Variants in SAMD12 observed in about 807,000 individuals in gnomAD.
SAMD12 encodes sterile alpha motif domain containing 12.
In SAMD12, 9 loss-of-function variants were observed where a neutral mutation model predicts 15.0. The observed-to-expected ratio is 0.60, with a 90% CI of 0.36 to 1.05. SAMD12 has a LOEUF of 1.05. Among genes scored for constraint, SAMD12 ranks in the 50% least tolerant of loss-of-function variants. SAMD12 has a pLI of 0.01. For missense variants in SAMD12, 230 were observed against 234.2 expected, an observed-to-expected ratio of 0.98 and a Z score of 0.12; for synonymous variants, 86 against 90.1, an observed-to-expected ratio of 0.96 and a Z score of 0.25.
intron 4 of SAMD12, among the ~76,000 whole-genome samples, chr8:118,371,866 G>C (rs1476195358): frequency 1.3e-5 from 2 of 152,086 alleles, no homozygotes; most frequent in Non-Finnish European, 2.9e-5. Context: ...TCAATATTTG[G>C]GACGTGGCAG....
intron 2 of SAMD12, among the ~76,000 whole-genome samples, chr8:118,497,695 C>A (rs1338504697): frequency 2.4e-5 from 3 of 123,348 alleles, no homozygotes; most frequent in African/African-American, 3.5e-5. Context: ...TGCACATGTA[C>A]CCCTGGAATC....
At chr8:118,309,836 T>C (rs1049586130) in intron 4 of SAMD12, among the ~76,000 whole-genome samples, 1 of 152,230 alleles carries the variant, frequency 6.6e-6, no homozygotes, top group Admixed American at 6.5e-5. Context: ...CCACAATTTA[T>C]GCTCATGCTT....
chr8:118,269,295 C>T (rs1813288517), intron 4 of SAMD12, among the ~76,000 whole-genome samples: 2 of 149,586 alleles, frequency 1.3e-5, no homozygotes, highest in South Asian at 4.3e-4. Flanking sequence ...GTGCATTCGA[C>T]CTGCTTTCGC....
chr8:118,613,519 T>A (rs1232211179), intron 1 of SAMD12, among the ~76,000 whole-genome samples: 1 of 152,248 alleles, frequency 6.6e-6, no homozygotes, highest in African/African-American at 2.4e-5. Flanking sequence ...ATAGCATGAT[T>A]ATAAAGGAGA....
At chr8:118,411,027 T>C (rs532330092) in intron 3 of SAMD12, among the ~76,000 whole-genome samples, 13 of 152,256 alleles carry the variant, frequency 8.5e-5, no homozygotes, top group African/African-American at 2.9e-4. Context: ...AAAAGTATTA[T>C]TGGAGGCTAG....
chr8:118,235,782 A>C (rs1033242340), intron 4 of SAMD12, among the ~76,000 whole-genome samples: 2 of 152,152 alleles, frequency 1.3e-5, no homozygotes, highest in East Asian at 3.9e-4. Context: ...ACAGGCAAAT[A>C]AACATCCAGT....
the SAMD12 span, among the ~76,000 whole-genome samples, chr8:118,151,823 C>T: frequency 7.8e-6 from 1 of 128,194 alleles, no homozygotes; most frequent in Non-Finnish European, 1.7e-5. Flanking sequence ...GACAGAGACT[C>T]TGTCTCAAAA....
intron 1 of SAMD12, among the ~76,000 whole-genome samples, chr8:118,584,141 T>G (rs1827367506): frequency 6.6e-6 from 1 of 152,210 alleles, no homozygotes; most frequent in Non-Finnish European, 1.5e-5. Context: ...CACGTAGGCT[T>G]ATTTTTCACA....
At chr8:118,443,380 C>T (rs899820035) in intron 2 of SAMD12, among the ~76,000 whole-genome samples, 3 of 152,102 alleles carry the variant, frequency 2.0e-5, no homozygotes, top group Non-Finnish European at 2.9e-5. Context: ...ATCGCTTGAA[C>T]CTGGGAGGTG....
At chr8:118,432,899 TGCC>T (rs1243410684) in intron 3 of SAMD12, among the ~76,000 whole-genome samples, 1 of 152,088 alleles carries the variant, frequency 6.6e-6, no homozygotes, top group African/African-American at 2.4e-5. Flanking sequence ...CCACTGCCAC[TGCC>T]GCCATCACCA....
At chr8:118,516,482 A>G (rs1022741079) in intron 2 of SAMD12, among the ~76,000 whole-genome samples, 5 of 152,204 alleles carry the variant, frequency 3.3e-5, no homozygotes, top group African/African-American at 1.2e-4. Flanking sequence ...TATCCTGGGT[A>G]CAGCAGGGCA....
In SAMD12 at chr8:118,431,850, GTCT is replaced by G. The variant is rs765871222; in HGVS notation, c.322+7979_322+7981del. On this transcript the variant is annotated intron_variant, in intron 3 of 3. Coordinates refer to ENST00000314727, the MANE Select transcript of SAMD12 (RefSeq NM_207506.3). Reference sequence around the variant, plus strand: ...TCATTACTATTTGAACTATTCTTCTGTCTTCTTCTTCTGATATTCTAGTAATGC... The same window carrying G: ...TCATTACTATTTGAACTATTCTTCTGTCTTCTTCTGATATTCTAGTAATGC... Among the ~76,000 whole-genome samples the G allele has an allele frequency of 2.2e-4, 34 of 152,138 alleles. No homozygotes were observed. The South Asian group carries it at 4.6e-3, about 20-fold the overall frequency.
At chr8:118,348,275 CCCAGG>C (rs1330811450) in intron 4 of SAMD12, among the ~76,000 whole-genome samples, 5 of 152,084 alleles carry the variant, frequency 3.3e-5, no homozygotes, top group Non-Finnish European at 7.4e-5. Flanking sequence ...TGCCATGTTG[CCCAGG>C]CTGGTCTCGA....
chr8:118,148,352 A>G, the SAMD12 span, among the ~76,000 whole-genome samples: 1 of 152,206 alleles, frequency 6.6e-6, no homozygotes, highest in African/African-American at 2.4e-5. Flanking sequence ...CAAATGATCT[A>G]GAGGGAAACT....
chr8:118,496,294 GGCA>G (rs1824607027), intron 2 of SAMD12, among the ~76,000 whole-genome samples: 1 of 152,132 alleles, frequency 6.6e-6, no homozygotes, highest in Non-Finnish European at 1.5e-5. Flanking sequence ...CAAAGCTGAA[GGCA>G]TCACACTACC....
At chr8:118,140,403 C>T in the SAMD12 span, among the ~76,000 whole-genome samples, 6 of 152,114 alleles carry the variant, frequency 3.9e-5, no homozygotes, top group African/African-American at 1.4e-4. Flanking sequence ...TCCTGAGCAA[C>T]CGGGACTACA....
chr8:118,607,159 AG>A (rs1422320256), intron 1 of SAMD12, among the ~76,000 whole-genome samples: 1 of 152,216 alleles, frequency 6.6e-6, no homozygotes, highest in African/African-American at 2.4e-5. Context: ...ACAAGAAATA[AG>A]AAGTCATTCT....
chr8:118,570,079 C>G (rs144786094), intron 2 of SAMD12, among the ~76,000 whole-genome samples: 1 of 152,096 alleles, frequency 6.6e-6, no homozygotes, highest in African/African-American at 2.4e-5. Flanking sequence ...GCAGAAATCA[C>G]GGGAGCCAGC....
downstream of SAMD12, among the ~76,000 whole-genome samples, chr8:118,189,295 AG>A: frequency 6.6e-6 from 1 of 152,182 alleles, no homozygotes; most frequent in East Asian, 1.9e-4. Context: ...AGCATAATTG[AG>A]GACAATTTTC....
Sources: gnomAD v4.1 joint callset for allele counts (sites outside exome capture counted in the v4.1 genomes callset) on GRCh38, gnomAD v4.1.1 for gene constraint, MANE v1.5 for transcripts, NCBI Gene and HGNC (gene_info 2026-07-23, HGNC 2026-07-21) for gene names.